The following ADAM28 variants were observed in gnomAD, a reference collection of about 807,000 sequenced individuals.
ADAM28 encodes disintegrin and metalloproteinase domain-containing protein 28.
ADAM28 carries 105 observed loss-of-function variants against 101.2 expected under a neutral mutation model. The observed-to-expected ratio is 1.04, with a 90% CI of 0.89 to 1.22. The LOEUF (loss-of-function observed/expected upper bound fraction) is 1.22, where lower values mean the gene tolerates loss of function less well. Among genes scored for constraint, ADAM28 ranks in the 50% most tolerant of loss-of-function variants. The pLI, the probability that ADAM28 is intolerant of heterozygous loss-of-function variation, is 0.00. For synonymous variants in ADAM28, 322 were observed against 310.6 expected (o/e 1.04, Z -0.39); for missense variants, 1,028 against 945.4 (o/e 1.09, Z -1.15).
chr8:24,332,517 A>C (rs955128853), intron 12 of ADAM28, 143 bp from the exon 13 acceptor site: 1 of 403,510 alleles, frequency 2.5e-6, no homozygotes, highest in African/African-American at 2.1e-5. Context: ...CAGGTTTTCT[A>C]ATTTTTTTTA....
At chr8:24,354,218 TTCCTATCCTC>T (rs939247952) in intron 22 of ADAM28, among the ~76,000 whole-genome samples, 156 bp from the exon 23 acceptor site, 13 of 152,042 alleles carry the variant, frequency 8.6e-5, no homozygotes, top group African/African-American at 2.4e-4. Flanking sequence ...TCTCACTCCC[TTCCTATCCTC>T]TCACATTTCT....
In ADAM28 at chr8:24,354,503, C is replaced by A; in HGVS notation, c.*99C>A. 7.2e-7 allele frequency: 1 copy of A among 1,386,042 alleles called. No homozygotes were observed. 85.9% of individuals were successfully genotyped at this position (1,386,042 alleles called of 1,614,324 possible). ...ATACTATCTATCTCACCAGTATTTGCTCTCGACTCAAGAAGGTTAACATTT... is the reference window on the plus strand; with the variant it reads ...ATACTATCTATCTCACCAGTATTTGATCTCGACTCAAGAAGGTTAACATTT... On this transcript the variant is annotated 3_prime_UTR_variant, in exon 23 of 23. Transcript: ENST00000265769.
chr8:24,352,401 C>T (rs1816271159), intron 21 of ADAM28, among the ~76,000 whole-genome samples: 1 of 152,198 alleles, frequency 6.6e-6, no homozygotes, highest in South Asian at 2.1e-4. Flanking sequence ...GTTCAAGGAG[C>T]TGGCAGATCC....
intron 18 of ADAM28, among the ~76,000 whole-genome samples, chr8:24,348,830 G>A (rs751401638): frequency 6.6e-6 from 1 of 152,100 alleles, no homozygotes; most frequent in Non-Finnish European, 1.5e-5. Context: ...GTGAAGTACT[G>A]CCAAATTCCC....
chr8:24,312,275 CT>C (rs1810570241), intron 5 of ADAM28, among the ~76,000 whole-genome samples: 2 of 151,996 alleles, frequency 1.3e-5, no homozygotes, highest in Non-Finnish European at 2.9e-5. Flanking sequence ...TAATGATTGT[CT>C]TTTGAATCTG....
chr8:24,348,523 C>T (rs79125238), intron 18 of ADAM28, among the ~76,000 whole-genome samples: 11,640 of 152,142 alleles, frequency 0.077, 801 homozygotes, highest in African/African-American at 0.18. Context: ...TCTGTCTCTC[C>T]AGGTCCTTGC....
chr8:24,332,525 T>C (rs1006702330), intron 12 of ADAM28, 135 bp from the exon 13 acceptor site: 1 of 414,068 alleles, frequency 2.4e-6, no homozygotes, highest in South Asian at 1.2e-4. Flanking sequence ...CTAATTTTTT[T>C]TATATTTTTT....
At chr8:24,334,714 T>C (rs1813789955) in intron 13 of ADAM28, among the ~76,000 whole-genome samples, 3 of 152,206 alleles carry the variant, frequency 2.0e-5, no homozygotes, top group African/African-American at 7.2e-5. Context: ...TTAAAGTTAT[T>C]TGACGCATTG....
chr8:24,305,455 T>C (rs1307079179), intron 2 of ADAM28, among the ~76,000 whole-genome samples: 1 of 140,794 alleles, frequency 7.1e-6, no homozygotes, highest in Non-Finnish European at 1.6e-5. Flanking sequence ...AGGTTTCTTT[T>C]TTTTTTTTTT....
chr8:24,333,999 T>G (rs1166978936), intron 13 of ADAM28, among the ~76,000 whole-genome samples: 1 of 152,104 alleles, frequency 6.6e-6, no homozygotes, highest in Admixed American at 6.6e-5. Context: ...TAGGGAATGT[T>G]TGGTGTTATT....
chr8:24,335,965 A>AAAC (rs1277238021), intron 14 of ADAM28: 2 of 1,072,450 alleles, frequency 1.9e-6, no homozygotes. Context: ...AATTCAAATT[A>AAAC]AACTGGGTGT....
In ADAM28 at chr8:24,355,818, A is replaced by G. The variant is rs1049235237; in HGVS notation, c.*1414A>G. On this transcript the variant is annotated 3_prime_UTR_variant, in exon 23 of 23. Coordinates refer to ENST00000265769, the MANE Select transcript of ADAM28 (RefSeq NM_014265.6). ...TTCCTTGTTGTTTAAGCCATTTTGA[A>G]TTGGATTTTCTCTCACTTTCAACAG... 4.6e-5 allele frequency: 7 copies of G among 152,104 alleles called. No individual in the cohort carries two copies. The highest frequency in any genetic ancestry group is 1.7e-4 in the African/African-American group (7 of 41,428). 9.4% of individuals were successfully genotyped at this position (152,104 alleles called of 1,614,324 possible).
intron 1 of ADAM28, among the ~76,000 whole-genome samples, chr8:24,299,576 A>C (rs571328266): frequency 2.0e-5 from 3 of 152,144 alleles, no homozygotes; most frequent in Non-Finnish European, 4.4e-5. Context: ...CAGTGCTTCA[A>C]CCCAATTTTT....
chr8:24,327,012 T>C (rs1012896762), intron 10 of ADAM28, among the ~76,000 whole-genome samples: 10 of 152,024 alleles, frequency 6.6e-5, no homozygotes, highest in African/African-American at 1.9e-4. Context: ...TTCTCACCAC[T>C]CCTATTTAAC....
At chr8:24,302,547 G>A (rs62502714) in intron 2 of ADAM28, among the ~76,000 whole-genome samples, 19,720 of 152,100 alleles carry the variant, frequency 0.13, 1,293 homozygotes, top group East Asian at 0.25. Context: ...ACTAAATTAC[G>A]TTCCCACCAA....
intron 2 of ADAM28, among the ~76,000 whole-genome samples, chr8:24,309,034 G>C (rs1402207282): frequency 6.6e-6 from 1 of 152,140 alleles, no homozygotes; most frequent in Non-Finnish European, 1.5e-5. Context: ...TAACTTTTTA[G>C]ATATTGAGTG....
chr8:24,326,448 TTC>T, intron 9 of ADAM28, 104 bp from the exon 10 acceptor site: 1 of 1,005,506 alleles, frequency 9.9e-7, no homozygotes, highest in Non-Finnish European at 1.5e-6. Flanking sequence ...ACAGTGATGG[TTC>T]ACAGTGAGTT....
intron 18 of ADAM28, among the ~76,000 whole-genome samples, chr8:24,348,241 T>G (rs1815650079): frequency 6.6e-6 from 1 of 152,182 alleles, no homozygotes; most frequent in African/African-American, 2.4e-5. Context: ...TTAACTTACT[T>G]TCTTTTGTAG....
chr8:24,332,782 G>T (rs1813523096), intron 13 of ADAM28, 33 bp downstream of exon 13: 1 of 1,211,498 alleles, frequency 8.3e-7, no homozygotes, highest in South Asian at 2.1e-5. Flanking sequence ...TAATAATTAT[G>T]ATTACATTTT....
Sources: allele counts gnomAD v4.1 joint callset (sites outside exome capture counted in the v4.1 genomes callset), GRCh38; gene constraint gnomAD v4.1.1; transcripts MANE v1.5; gene names NCBI Gene and HGNC (gene_info 2026-07-23, HGNC 2026-07-21).